PDZD2: variants seen among roughly 807,000 people sequenced by gnomAD.
The protein encoded by PDZD2 is PDZ domain-containing protein 2.
PDZD2 carries 90 observed loss-of-function variants against 220.7 expected under a neutral mutation model. The observed-to-expected ratio is 0.41, with a 90% CI of 0.34 to 0.49. The LOEUF is 0.49. PDZD2 is among the 20% of genes least tolerant of loss of function. The pLI, the probability that PDZD2 is intolerant of heterozygous loss-of-function variation, is 0.28. For missense variants in PDZD2, 3,174 were observed against 3,608.5 expected (o/e 0.88, Z 3.08); for synonymous variants, 1,375 against 1,450.5 (o/e 0.95, Z 1.18).
Position 32,089,763 on chromosome 5 carries a change from T to C in PDZD2, c.6315T>C (p.Cys2105=). 1.2e-6 allele frequency: 2 copies of C among 1,614,116 alleles called. No individual in the cohort carries two copies. Among genetic ancestry groups the C allele is most frequent in the East Asian group, 2.2e-5 (1 of 44,868 alleles). Residue 2105 remains cysteine (C), a synonymous_variant, in exon 20 of 25, where the codon TGT becomes TGC. Coordinates refer to ENST00000438447, the MANE Select transcript of PDZD2 (RefSeq NM_178140.4). ...ISAEAVSETV[C]GNKPAESDRR... ...CTGAAGCAGTGTCAGAGACTGTATG[T>C]GGTAACAAGCCAGCTGAAAGCGACA...
At chr5:31,784,307 C>G (rs1469820351) in intron 1 of PDZD2, among the ~76,000 whole-genome samples, 3 of 152,102 alleles carry the variant, frequency 2.0e-5, no homozygotes, top group Non-Finnish European at 2.9e-5. Context: ...TCTTCGCAGC[C>G]CCGAACTTAG....
intron 1 of PDZD2, among the ~76,000 whole-genome samples, chr5:31,684,376 C>A (rs1397090777): frequency 1.3e-5 from 2 of 152,184 alleles, no homozygotes. Flanking sequence ...TTCTCCACTT[C>A]TAAGCCATCA....
At chr5:32,040,929 G>A (rs182817871) in intron 7 of PDZD2, among the ~76,000 whole-genome samples, 1,848 of 135,742 alleles carry the variant, frequency 0.014, 67 homozygotes, top group African/African-American at 0.048. Flanking sequence ...ACCTCTGCCC[G>A]GCTGCCACCC....
intron 1 of PDZD2, among the ~76,000 whole-genome samples, chr5:31,709,685 A>G (rs1049207839): frequency 6.6e-6 from 1 of 152,032 alleles, no homozygotes; most frequent in Admixed American, 6.6e-5. Context: ...GCTGGGTGCG[A>G]TGGCCCACGC....
At chr5:32,042,061 C>G (rs545858391) in intron 7 of PDZD2, among the ~76,000 whole-genome samples, 19 of 55,442 alleles carry the variant, frequency 3.4e-4, no homozygotes, top group African/African-American at 9.0e-4. Flanking sequence ...CGAGACCATC[C>G]TGGCTAACAC....
chr5:31,755,220 G>A (rs964858407), intron 1 of PDZD2, among the ~76,000 whole-genome samples: 1 of 151,712 alleles, frequency 6.6e-6, no homozygotes, highest in African/African-American at 2.4e-5. Context: ...TAATTTTGCT[G>A]GTTTCTGAGC....
chr5:31,871,679 C>T (rs963576606), intron 2 of PDZD2, among the ~76,000 whole-genome samples: 1 of 151,930 alleles, frequency 6.6e-6, no homozygotes, highest in African/African-American at 2.4e-5. Context: ...GAACTCCTGA[C>T]CTCAAGTGAT....
Position 32,108,791 on chromosome 5 carries a change from A to G in PDZD2, c.*656A>G, listed in dbSNP as rs534416536. Reference sequence around the variant, plus strand: ...AGTGTAATGTATAATGTACGTATGCAAAGTTCAACTCAATAGGTTATTGAT... The same window carrying G: ...AGTGTAATGTATAATGTACGTATGCGAAGTTCAACTCAATAGGTTATTGAT... On this transcript the variant is annotated 3_prime_UTR_variant, in exon 25 of 25. Transcript: ENST00000438447. 6.5e-6 allele frequency: 1 copy of G among 152,816 alleles called. No homozygotes were observed. The highest frequency in any genetic ancestry group is 1.9e-4 in the East Asian group (1 of 5,190). 9.5% of individuals were successfully genotyped at this position (152,816 alleles called of 1,614,324 possible).
chr5:31,649,937 CAAAAAAAAAAAAAA>C (rs6148975), intron 1 of PDZD2, among the ~76,000 whole-genome samples: 1 of 73,514 alleles, frequency 1.4e-5, no homozygotes, highest in African/African-American at 5.7e-5. Flanking sequence ...GACTCCGTCT[CAAAAAAAAAAAAAA>C]AAAAAAAAAA....
chr5:31,907,483 A>G (rs1021133568), intron 2 of PDZD2, among the ~76,000 whole-genome samples: 1 of 152,230 alleles, frequency 6.6e-6, no homozygotes, highest in Non-Finnish European at 1.5e-5. Flanking sequence ...CACAGTTCAT[A>G]GTATTAGTCA....
At chr5:31,916,964 A>C (rs1489691640) in intron 2 of PDZD2, among the ~76,000 whole-genome samples, 1 of 152,176 alleles carries the variant, frequency 6.6e-6, no homozygotes, top group Non-Finnish European at 1.5e-5. Flanking sequence ...AACCATGTGC[A>C]AATGTGGGGA....
At chr5:31,919,485 T>G (rs186745268) in intron 2 of PDZD2, among the ~76,000 whole-genome samples, 1 of 152,128 alleles carries the variant, frequency 6.6e-6, no homozygotes, top group African/African-American at 2.4e-5. Context: ...TAGCTAGGAT[T>G]ACAGGCACAC....
intron 7 of PDZD2, among the ~76,000 whole-genome samples, chr5:32,043,563 A>C (rs1204089761): frequency 6.6e-6 from 1 of 152,250 alleles, no homozygotes; most frequent in Non-Finnish European, 1.5e-5. Flanking sequence ...CTACCACTCC[A>C]TGGTGTGGCA....
At chr5:31,855,000 G>C in intron 2 of PDZD2, 1 of 985,464 alleles carries the variant, frequency 1.0e-6, no homozygotes, top group Non-Finnish European at 1.2e-6. Flanking sequence ...GAGGGCAGCT[G>C]GCAGCCGCCC....
intron 2 of PDZD2, among the ~76,000 whole-genome samples, chr5:31,949,307 T>C (rs930167071): frequency 6.6e-5 from 10 of 151,904 alleles, no homozygotes; most frequent in African/African-American, 2.2e-4. Context: ...CCAAGGACAA[T>C]GTAAAATAGC....
chr5:31,670,713 G>A (rs748952011), intron 1 of PDZD2, among the ~76,000 whole-genome samples: 8 of 152,202 alleles, frequency 5.3e-5, no homozygotes, highest in South Asian at 2.1e-4. Flanking sequence ...GAGCCACCGC[G>A]CCCGGCCAGT....
At chr5:31,784,308 C>T (rs968681036) in intron 1 of PDZD2, among the ~76,000 whole-genome samples, 3 of 152,136 alleles carry the variant, frequency 2.0e-5, no homozygotes, top group South Asian at 4.1e-4. Context: ...CTTCGCAGCC[C>T]CGAACTTAGA....
intron 1 of PDZD2, among the ~76,000 whole-genome samples, chr5:31,731,182 C>G (rs1749517318): frequency 6.6e-6 from 1 of 152,060 alleles, no homozygotes. Context: ...TGTTGTTTTG[C>G]TTTGTTTTAC....
At chr5:31,693,336 G>A (rs1169763197) in intron 1 of PDZD2, among the ~76,000 whole-genome samples, 1 of 147,792 alleles carries the variant, frequency 6.8e-6, no homozygotes, top group Non-Finnish European at 1.5e-5. Context: ...CCGCCTCCCG[G>A]ATTTAAGCGA....
Sources: allele counts gnomAD v4.1 joint callset (sites outside exome capture counted in the v4.1 genomes callset), GRCh38; gene constraint gnomAD v4.1.1; transcripts MANE v1.5; gene names NCBI Gene and HGNC (gene_info 2026-07-23, HGNC 2026-07-21).